Variants in SHC3 observed in about 807,000 individuals in gnomAD.
SHC3 encodes SHC-transforming protein 3.
Under a neutral mutation model 60.4 loss-of-function variants are expected in SHC3, and 15 were observed. The ratio of observed to expected loss-of-function variants is 0.25; its 90% CI spans 0.17 to 0.38. SHC3 has a LOEUF of 0.38. Among genes scored for constraint, SHC3 ranks in the 10% least tolerant of loss-of-function variants. The pLI is 1.00. For synonymous variants in SHC3, 294 were observed against 325.9 expected (o/e 0.90, Z 1.05); for missense variants, 677 against 786.1 (o/e 0.86, Z 1.66).
rs1825949895 is a variant in SHC3, at chr9:89,007,095, G to A, written c.*6352C>T. The stretch of plus-strand genomic sequence containing the variant: ...CCATTTTTCCAGACCTAGGGAAGGA[G>A]CCTGTGTGTTTTTGGCCTGAAGGAT... On this transcript the variant is annotated 3_prime_UTR_variant, in exon 12 of 12. Transcript: ENST00000375835. 1 of 152,204 alleles carries A rather than the reference G, an allele frequency of 6.6e-6. No individual in the cohort carries two copies. The highest frequency in any genetic ancestry group is 2.4e-5 in the African/African-American group (1 of 41,434). 9.4% of individuals were successfully genotyped at this position (152,204 alleles called of 1,614,324 possible). A position where few individuals can be genotyped will look rare whatever the true frequency, so the allele number is the denominator to read the frequency against.
At chr9:89,045,592 T>C (rs1824758720) in intron 9 of SHC3, among the ~76,000 whole-genome samples, 154 bp downstream of exon 9, 1 of 152,188 alleles carries the variant, frequency 6.6e-6, no homozygotes, top group Admixed American at 6.5e-5. Flanking sequence ...TGCTTCTATT[T>C]CTATAGTCTA....
At chr9:89,046,079 C>T (rs1192728681) in intron 8 of SHC3, among the ~76,000 whole-genome samples, 1 of 131,604 alleles carries the variant, frequency 7.6e-6, no homozygotes, top group Admixed American at 8.0e-5. Flanking sequence ...CATTACCCCC[C>T]CCACCCCTCC....
At chr9:89,062,565 C>T (rs1488380496) in intron 6 of SHC3, among the ~76,000 whole-genome samples, 1 of 152,268 alleles carries the variant, frequency 6.6e-6, no homozygotes, top group South Asian at 2.1e-4. Flanking sequence ...AGAATCAGCA[C>T]GGAAAAAGAC....
chr9:89,129,071 T>C (rs1327350083), intron 1 of SHC3, among the ~76,000 whole-genome samples: 2 of 152,154 alleles, frequency 1.3e-5, no homozygotes, highest in South Asian at 2.1e-4. Context: ...AATGACCTGA[T>C]GGAGCTAAAA....
Position 89,013,224 on chromosome 9 carries a change from G to C in SHC3, c.*223C>G. The C allele has an allele frequency of 2.8e-6, 1 of 359,678 alleles. No homozygotes were observed. The highest frequency in any genetic ancestry group is 4.9e-6 in the Non-Finnish European group (1 of 204,206). 22.3% of individuals were successfully genotyped at this position (359,678 alleles called of 1,614,324 possible). On this transcript the variant is annotated 3_prime_UTR_variant, in exon 12 of 12. Transcript: ENST00000375835. The stretch of plus-strand genomic sequence containing the variant: ...TAGTCTTAAAAAATATAAATATAGA[G>C]GGATAATTTGTACAGGATGTATAGG...
chr9:89,138,023 G>T (rs568007053), intron 1 of SHC3, among the ~76,000 whole-genome samples: 1 of 152,332 alleles, frequency 6.6e-6, no homozygotes, highest in Admixed American at 6.5e-5. Context: ...AGTTGGGAAA[G>T]ATTAGTCATA....
chr9:89,047,479 A>G (rs1824792937), intron 7 of SHC3, among the ~76,000 whole-genome samples: 1 of 152,244 alleles, frequency 6.6e-6, no homozygotes, highest in East Asian at 1.9e-4. Context: ...AATGGGAGAA[A>G]ATATTTGCTA....
chr9:89,060,226 A>G (rs916200693), intron 6 of SHC3, among the ~76,000 whole-genome samples: 5 of 149,178 alleles, frequency 3.4e-5, no homozygotes, highest in African/African-American at 1.0e-4. Flanking sequence ...GATGTGGTGG[A>G]GGACGGTGAT....
chr9:89,133,919 T>A (rs1826284754), intron 1 of SHC3, among the ~76,000 whole-genome samples: 1 of 151,862 alleles, frequency 6.6e-6, no homozygotes, highest in Admixed American at 6.6e-5. Flanking sequence ...ATAAAAAAAT[T>A]GTTCAGAATA....
At chr9:89,087,543 C>T (rs180770173) in intron 2 of SHC3, among the ~76,000 whole-genome samples, 15 of 152,312 alleles carry the variant, frequency 9.8e-5, no homozygotes, top group Non-Finnish European at 1.5e-4. Flanking sequence ...CAGGGGATCC[C>T]ACATGCCTGC....
intron 2 of SHC3, among the ~76,000 whole-genome samples, chr9:89,095,174 A>T (rs760027802): frequency 1.3e-5 from 2 of 152,230 alleles, no homozygotes; most frequent in Non-Finnish European, 2.9e-5. Flanking sequence ...CACCATGTTC[A>T]TGGAAGCATT....
At chr9:89,091,619 A>G (rs1423208689) in intron 2 of SHC3, among the ~76,000 whole-genome samples, 1 of 152,250 alleles carries the variant, frequency 6.6e-6, no homozygotes. Context: ...AAAATTTACC[A>G]TTTTAACCAT....
At chr9:89,049,598 A>G (rs1395339102) in intron 7 of SHC3, among the ~76,000 whole-genome samples, 1 of 152,260 alleles carries the variant, frequency 6.6e-6, no homozygotes, top group Non-Finnish European at 1.5e-5. Flanking sequence ...GAGATTAAAT[A>G]AGTGTTAACC....
chr9:89,147,054 C>T (rs547945471), intron 1 of SHC3, among the ~76,000 whole-genome samples: 1 of 152,028 alleles, frequency 6.6e-6, no homozygotes. Flanking sequence ...TATCCATCAA[C>T]AGCGTAATGA....
intron 1 of SHC3, among the ~76,000 whole-genome samples, chr9:89,173,482 T>C (rs1252701185): frequency 2.6e-5 from 4 of 152,272 alleles, no homozygotes; most frequent in Non-Finnish European, 1.5e-5. Context: ...CTTTATAGGA[T>C]GGAAGTTTTG....
Position 89,178,582 on chromosome 9 carries a change from C to T in SHC3, c.-122G>A. 1.2e-6 allele frequency: 1 copy of T among 865,908 alleles called. No homozygotes were observed. The highest frequency in any genetic ancestry group is 1.6e-6 in the Non-Finnish European group (1 of 606,724). The allele number at this position is 865,908 out of a possible 1,614,324, so 53.6% of individuals were successfully genotyped here. A position where few individuals can be genotyped will look rare whatever the true frequency, so the allele number is the denominator to read the frequency against. On this transcript the variant is annotated 5_prime_UTR_variant, in exon 1 of 12. Transcript: ENST00000375835. The surrounding 1 kb of genome is among the most constrained non-coding windows in gnomAD (Gnocchi z 6.9). ...GGGACGGAGAGTGGGGGCCCCGGGACAGCCTTCTGGAGAACGAGAGCAGAG... is the reference window on the plus strand; with the variant it reads ...GGGACGGAGAGTGGGGGCCCCGGGATAGCCTTCTGGAGAACGAGAGCAGAG...
At chr9:89,046,775 A>G in intron 8 of SHC3, 69 bp downstream of exon 8, 1 of 1,391,836 alleles carries the variant, frequency 7.2e-7, no homozygotes, top group Non-Finnish European at 9.4e-7. Flanking sequence ...ATAAAACCAA[A>G]GAAAACAAAA....
chr9:89,051,074 C>A (rs1824854232), intron 7 of SHC3, among the ~76,000 whole-genome samples: 1 of 152,126 alleles, frequency 6.6e-6, no homozygotes, highest in Non-Finnish European at 1.5e-5. Flanking sequence ...TGAAAAGTCT[C>A]TTTGAAGAAC....
rs117023861 is a variant in SHC3 at position 89,041,891 on chromosome 9, A to G, written c.1360+135T>C. 8.5e-3 allele frequency: 9,639 copies of G among 1,135,288 alleles called. 54 individuals carry two copies. Among genetic ancestry groups the G allele is most frequent in the Non-Finnish European group, 0.011 (8,725 of 806,492 alleles). The allele number at this position is 1,135,288 out of a possible 1,614,324, so 70.3% of individuals were successfully genotyped here. Reference sequence around the variant, plus strand: ...TTAAACAAACCCAATCATCACCCAGAAAAGTACAGCTAATCATCACCATTA... The same window carrying G: ...TTAAACAAACCCAATCATCACCCAGGAAAGTACAGCTAATCATCACCATTA... On this transcript the variant is annotated intron_variant, in intron 10 of 11. Transcript: ENST00000375835.
Sources: gnomAD v4.1 joint callset for allele counts (sites outside exome capture counted in the v4.1 genomes callset) on GRCh38, gnomAD v4.1.1 for gene constraint, Gnocchi (gnomAD v3.1) non-coding constraint, MANE v1.5 for transcripts, NCBI Gene and HGNC (gene_info 2026-07-23, HGNC 2026-07-21) for gene names.